Variants in MINDY4B observed in about 807,000 individuals in gnomAD.
MINDY4B encodes inactive ubiquitin carboxyl-terminal hydrolase MINDY-4B.
In MINDY4B, 25 loss-of-function variants were observed where a neutral mutation model predicts 16.7. The ratio of observed to expected loss-of-function variants is 1.49; its 90% CI spans 1.09 to 2.09. MINDY4B has a LOEUF of 2.09. Ranked by LOEUF, MINDY4B falls within the 30% of genes most tolerant of loss-of-function variation. The probability of loss-of-function intolerance (pLI) is 0.00; values close to 1 mark genes in which losing one functional copy is unlikely to be tolerated. For synonymous variants in MINDY4B, 132 were observed against 61.9 expected, an observed-to-expected ratio of 2.13 and a Z score of -5.32; for missense variants, 327 against 168.4, an observed-to-expected ratio of 1.94 and a Z score of -5.21.
At chr3:150,878,106 T>C (rs1355855662) in intron 10 of MINDY4B, among the ~76,000 whole-genome samples, 2 of 152,042 alleles carry the variant, frequency 1.3e-5, no homozygotes, top group Non-Finnish European at 2.9e-5. Flanking sequence ...TGATTACAAC[T>C]TGGAGTGGAC....
chr3:150,903,962 A>G (rs1190997552), intron 2 of MINDY4B, among the ~76,000 whole-genome samples: 1 of 152,198 alleles, frequency 6.6e-6, no homozygotes, highest in Non-Finnish European at 1.5e-5. Flanking sequence ...ATGACATGTC[A>G]CTGTAAGTTA....
At chr3:150,886,826 C>T (rs1051848557) in intron 7 of MINDY4B, among the ~76,000 whole-genome samples, 31 of 152,246 alleles carry the variant, frequency 2.0e-4, no homozygotes, top group Non-Finnish European at 2.5e-4. Flanking sequence ...TCTGGATAAT[C>T]CAGGATAATG....
At chr3:150,885,498 G>C in intron 7 of MINDY4B, 60 bp from the exon 8 acceptor site, 3 of 694,142 alleles carry the variant, frequency 4.3e-6, no homozygotes. Flanking sequence ...ACGTGTATCT[G>C]TGGGTATGAA....
chr3:150,873,892 A>G (rs768937197), intron 10 of MINDY4B, among the ~76,000 whole-genome samples: 5 of 152,140 alleles, frequency 3.3e-5, no homozygotes, highest in Non-Finnish European at 7.3e-5. Flanking sequence ...ACATACACAC[A>G]TCACACATAT....
intron 10 of MINDY4B, among the ~76,000 whole-genome samples, chr3:150,877,670 C>A (rs1159174941): frequency 6.6e-6 from 1 of 152,132 alleles, no homozygotes; most frequent in African/African-American, 2.4e-5. Flanking sequence ...GGAGGCAGTT[C>A]ACCATCAACA....
intron 7 of MINDY4B, among the ~76,000 whole-genome samples, chr3:150,887,796 G>A (rs889602613): frequency 5.9e-5 from 9 of 152,214 alleles, no homozygotes; most frequent in Admixed American, 1.3e-4. Flanking sequence ...GAAGCTAGAA[G>A]TCTGAAATCA....
At position 150,882,939 on chromosome 3, in the gene MINDY4B, C is replaced by T. The variant is rs1232132092; in HGVS notation, c.1017G>A (p.Leu339=). 1.0e-5 allele frequency: 7 copies of T among 702,726 alleles called. No individual in the cohort carries two copies. Among genetic ancestry groups the T allele is most frequent in the Non-Finnish European group, 1.6e-5 (6 of 384,764 alleles). 43.5% of individuals were successfully genotyped at this position (702,726 alleles called of 1,614,324 possible). A position where few individuals can be genotyped will look rare whatever the true frequency, so the allele number is the denominator to read the frequency against. Residue 339 remains leucine, a synonymous_variant, in exon 10 of 12, where the codon TTG becomes TTA. Transcript: ENST00000465419. ...GVLTRSDVGY[L]QWGKDASEDD... ...CTTCCGAGGCATCCTTACCCCACTG[C>T]AAATAGCCAACATCACTGCGGGTCA...
chr3:150,889,550 G>C (rs550199462), intron 7 of MINDY4B, among the ~76,000 whole-genome samples: 1 of 152,280 alleles, frequency 6.6e-6, no homozygotes, highest in South Asian at 2.1e-4. Flanking sequence ...ACAAGTTCCG[G>C]GTATAGAGTT....
chr3:150,894,270 A>G lies in MINDY4B; in HGVS notation c.345T>C (p.His115=). 1.4e-6 allele frequency: 1 copy of G among 700,598 alleles called. No individual in the cohort carries two copies. Among genetic ancestry groups the G allele is most frequent in the Non-Finnish European group, 2.6e-6 (1 of 384,344 alleles). 43.4% of individuals were successfully genotyped at this position (700,598 alleles called of 1,614,324 possible). ...LRQILFGNTV[H]VFSYNWKKAY... ...CCTTTTTCCAGTTATAGCTAAAGAC[A>G]TGGACTGTGTTTCCAAACAGGATCT... Residue 115 remains histidine (H), a synonymous_variant, in exon 4 of 12, where the codon CAT becomes CAC. Transcript: ENST00000465419.
chr3:150,885,713 G>A (rs2107901476), intron 7 of MINDY4B, among the ~76,000 whole-genome samples: 1 of 152,216 alleles, frequency 6.6e-6, no homozygotes, highest in East Asian at 1.9e-4. Flanking sequence ...CTTGGCCAAG[G>A]TGTAGTATGT....
At chr3:150,896,152 C>G (rs1711954572) in intron 3 of MINDY4B, among the ~76,000 whole-genome samples, 1 of 152,102 alleles carries the variant, frequency 6.6e-6, no homozygotes, top group African/African-American at 2.4e-5. Context: ...TCTACTTGTT[C>G]AATTCTGTTG....
At chr3:150,885,735 C>T (rs1189828196) in intron 7 of MINDY4B, among the ~76,000 whole-genome samples, 1 of 152,166 alleles carries the variant, frequency 6.6e-6, no homozygotes, top group Non-Finnish European at 1.5e-5. Flanking sequence ...CTTTCTAGCC[C>T]ACTTCACTGC....
At chr3:150,892,955 T>G (rs1317250660) in intron 5 of MINDY4B, among the ~76,000 whole-genome samples, 7 of 130,542 alleles carry the variant, frequency 5.4e-5, no homozygotes, top group Admixed American at 1.5e-4. Flanking sequence ...AAAAAAAAAA[T>G]GGAGGATTGA....
Position 150,905,336 on chromosome 3 carries a change from C to G in MINDY4B, c.104G>C (p.Ser35Thr), listed in dbSNP as rs1383281397. 2 of 398,414 alleles carry G rather than the reference C, an allele frequency of 5.0e-6. No homozygotes were observed. Among genetic ancestry groups the G allele is most frequent in the African/African-American group, 4.1e-5 (2 of 48,628 alleles). The allele number at this position is 398,414 out of a possible 1,614,324, so 24.7% of individuals were successfully genotyped here. ...AATGAGAACACCTTACCTGTGATAA[C>G]TAAAGATTTCCCTCCATTTGTCAAG... ...SFLDKWREIF[S>T]YHRLGTNNST... Residue 35 changes from serine to threonine, a missense_variant, in exon 1 of 12, where the codon AGT (serine) becomes ACT (threonine). Physicochemically the swap from Ser to Thr is moderately conservative, Grantham distance 58 (BLOSUM62 1). Coordinates refer to ENST00000465419, the MANE Select transcript of MINDY4B (RefSeq NM_001351281.2).
At position 150,870,926 on chromosome 3, in the gene MINDY4B, A is replaced by AT. The variant is rs1401846835; in HGVS notation, c.*118dup. On this transcript the variant is annotated 3_prime_UTR_variant, in exon 12 of 12. Coordinates refer to ENST00000465419, the MANE Select transcript of MINDY4B (RefSeq NM_001351281.2). ...AAAAAACTGCTAATGGTATATATAT[A>AT]TATTTTTTGGTGGGGCTTGTGAATG... 2 of 605,264 alleles carry AT rather than the reference A, an allele frequency of 3.3e-6. No homozygotes were observed. The highest frequency in any genetic ancestry group is 1.9e-5 in the African/African-American group (1 of 53,908). 37.5% of individuals were successfully genotyped at this position (605,264 alleles called of 1,614,324 possible). A position where few individuals can be genotyped will look rare whatever the true frequency, so the allele number is the denominator to read the frequency against.
At chr3:150,875,336 G>A (rs989126127) in intron 10 of MINDY4B, among the ~76,000 whole-genome samples, 3 of 152,164 alleles carry the variant, frequency 2.0e-5, no homozygotes, top group African/African-American at 7.2e-5. Flanking sequence ...AATTATCAAG[G>A]TTGAAAAACT....
rs986410200 is a variant in MINDY4B, at chr3:150,871,185, T to C, written c.1243A>G (p.Thr415Ala). The change falls in exon 12 of 12, where the codon ACT (threonine) becomes GCT (alanine). Residue 415 changes from threonine to alanine, a missense_variant and splice_region_variant. Thr to Ala is a moderately conservative substitution (Grantham distance 58). Transcript: ENST00000465419. The part of the protein sequence containing the change: ...QKKLVRLTID[T>A]HSHHWERDQQ... ...TCTCTTTCCCAGTGATGGGAGTGAG[T>C]ATCTGAAGAAGGAATAGCCAGCATT... 4 of 702,308 alleles carry C rather than the reference T, an allele frequency of 5.7e-6. No individual in the cohort carries two copies. Among genetic ancestry groups the C allele is most frequent in the Non-Finnish European group, 1.0e-5 (4 of 384,766 alleles). The allele number at this position is 702,308 out of a possible 1,614,324, so 43.5% of individuals were successfully genotyped here.
chr3:150,894,397 G>A lies in MINDY4B; in HGVS notation c.310-92C>T. ...CCTCATGGCCACCTCAAGGAGGTGGGCCTCGTTCCCTTCTACATTCAGGTT... is the reference window on the plus strand; with the variant it reads ...CCTCATGGCCACCTCAAGGAGGTGGACCTCGTTCCCTTCTACATTCAGGTT... On this transcript the variant is annotated intron_variant, in intron 3 of 11. Coordinates refer to ENST00000465419, the MANE Select transcript of MINDY4B (RefSeq NM_001351281.2). 1.0e-5 allele frequency: 6 copies of A among 588,144 alleles called. No homozygotes were observed. In the South Asian group the frequency reaches 1.3e-4, roughly 13 times the overall value. The allele number at this position is 588,144 out of a possible 1,614,324, so 36.4% of individuals were successfully genotyped here. A position where few individuals can be genotyped will look rare whatever the true frequency, so the allele number is the denominator to read the frequency against.
chr3:150,876,913 T>C (rs1331481326), intron 10 of MINDY4B, among the ~76,000 whole-genome samples: 2 of 152,174 alleles, frequency 1.3e-5, no homozygotes, highest in Non-Finnish European at 2.9e-5. Flanking sequence ...CACTCAAATC[T>C]GTACCTTCAA....
Sources: allele counts gnomAD v4.1 joint callset (sites outside exome capture counted in the v4.1 genomes callset), GRCh38; gene constraint gnomAD v4.1.1; transcripts MANE v1.5; gene names NCBI Gene and HGNC (gene_info 2026-07-23, HGNC 2026-07-21).